Variants in GALNT5 observed in about 807,000 individuals in gnomAD.
GALNT5 encodes the protein polypeptide N-acetylgalactosaminyltransferase 5.
In GALNT5, 72 loss-of-function variants were observed where a neutral mutation model predicts 85.4. The observed-to-expected ratio is 0.84, with a 90% CI of 0.70 to 1.03. The LOEUF (loss-of-function observed/expected upper bound fraction) is 1.03. Ranked by LOEUF, GALNT5 falls within the 50% of genes least tolerant of loss-of-function variation. The pLI is 0.00. For synonymous variants in GALNT5, 404 were observed against 397.0 expected, an observed-to-expected ratio of 1.02 and a Z score of -0.21; for missense variants, 1,137 against 1,135.5, an observed-to-expected ratio of 1.00 and a Z score of -0.02.
At chr2:157,300,263 G>T (rs1353014853) in intron 6 of GALNT5, among the ~76,000 whole-genome samples, 1 of 152,172 alleles carries the variant, frequency 6.6e-6, no homozygotes, top group Non-Finnish European at 1.5e-5. Flanking sequence ...TTTTGGAGCT[G>T]CTGATCATGA....
chr2:157,301,466 T>G (rs1241525008), intron 7 of GALNT5: 1 of 189,046 alleles, frequency 5.3e-6, no homozygotes, highest in East Asian at 1.3e-4. Context: ...AAACACTAAG[T>G]GTCAGTCAGC....
At chr2:157,304,746 C>T (rs1475836857) in intron 7 of GALNT5, among the ~76,000 whole-genome samples, 1 of 152,100 alleles carries the variant, frequency 6.6e-6, no homozygotes, top group Non-Finnish European at 1.5e-5. Context: ...TATTCTGATC[C>T]CTGAAGATGT....
chr2:157,311,279 G>T lies in GALNT5; in HGVS notation c.2754G>T (p.Leu918=). 6.2e-7 allele frequency: 1 copy of T among 1,610,682 alleles called. No homozygotes were observed. Among genetic ancestry groups the T allele is most frequent in the Non-Finnish European group, 8.5e-7 (1 of 1,177,394 alleles). The change falls in exon 10 of 10, where the codon CTG becomes CTT. Residue 918 remains leucine, a synonymous_variant. Coordinates refer to ENST00000259056, the MANE Select transcript of GALNT5 (RefSeq NM_014568.3). ...CLEGNFSQKI[L]KVAACDPVKP... is the part of the protein sequence containing the mutation. ...AAGGAAATTTTTCTCAAAAGATCCTGAAAGTAGCTGCCTGTGACCCAGTGA... is the reference window on the plus strand; with the variant it reads ...AAGGAAATTTTTCTCAAAAGATCCTTAAAGTAGCTGCCTGTGACCCAGTGA...
intron 3 of GALNT5, among the ~76,000 whole-genome samples, chr2:157,293,462 AGG>A (rs1045928090): frequency 6.6e-6 from 1 of 152,210 alleles, no homozygotes; most frequent in Non-Finnish European, 1.5e-5. Flanking sequence ...CTGTCATCTT[AGG>A]GTTAGGTTTC....
Position 157,258,515 on chromosome 2 carries a change from G to C in GALNT5, c.433G>C (p.Asp145His), listed in dbSNP as rs767972937. The change falls in exon 1 of 10, where the codon GAC becomes CAC. Residue 145 changes from aspartate (D) to histidine (H), a missense_variant. Asp to His is a moderately conservative substitution (Grantham distance 81). Coordinates refer to ENST00000259056, the MANE Select transcript of GALNT5 (RefSeq NM_014568.3). ...TGTGACTCCTAACAAGCAGAAGACA[G>C]ACGGGAGAGGCACCAAACCTGAAGC... ...LPVTPNKQKT[D>H]GRGTKPEASS... is the part of the protein sequence containing the mutation. 6.2e-7 allele frequency: 1 copy of C among 1,612,064 alleles called. No homozygotes were observed. The highest frequency in any genetic ancestry group is 1.1e-5 in the South Asian group (1 of 90,854).
At chr2:157,303,107 G>T (rs925700429) in intron 7 of GALNT5, among the ~76,000 whole-genome samples, 1 of 152,090 alleles carries the variant, frequency 6.6e-6, no homozygotes, top group Non-Finnish European at 1.5e-5. Context: ...TCCAGTGAAA[G>T]TTTTGTGTTT....
chr2:157,264,190 CACACACACACACACGT>C (rs1481964473), intron 1 of GALNT5, among the ~76,000 whole-genome samples: 1 of 151,914 alleles, frequency 6.6e-6, no homozygotes, highest in Non-Finnish European at 1.5e-5. Context: ...CACACACACA[CACACACACACACACGT>C]ACACACAGGT....
chr2:157,272,247 G>A (rs16841465), intron 1 of GALNT5, among the ~76,000 whole-genome samples: 3,813 of 152,140 alleles, frequency 0.025, 161 homozygotes, highest in East Asian at 0.13. Flanking sequence ...CAGAGGAAGG[G>A]AGAACAGGGA....
rs573587050 is a variant in GALNT5, at chr2:157,273,818, AT to A, written c.1455-10456del. 1.7e-3 allele frequency among the ~76,000 whole-genome samples: 261 copies of A among 150,704 alleles called. 1 individual carries two copies. The highest frequency in any genetic ancestry group is 6.0e-3 in the East Asian group (31 of 5,134). ...CCACCATGCCAGGGTAATTTTTTGTATTTTTTTTATTATACTTTAATAAATG... is the reference window on the plus strand; with the variant it reads ...CCACCATGCCAGGGTAATTTTTTGTATTTTTTTATTATACTTTAATAAATG... On this transcript the variant is annotated intron_variant, in intron 1 of 9. Coordinates refer to ENST00000259056, the MANE Select transcript of GALNT5 (RefSeq NM_014568.3).
At chr2:157,303,714 G>A (rs755946824) in intron 7 of GALNT5, among the ~76,000 whole-genome samples, 7 of 151,824 alleles carry the variant, frequency 4.6e-5, no homozygotes, top group Admixed American at 2.6e-4. Context: ...TAATTTCTAA[G>A]AAAAAGGAAA....
Position 157,308,550 on chromosome 2 carries a change from AT to A in GALNT5, c.2521-15del. On this transcript the variant is annotated splice_polypyrimidine_tract_variant and intron_variant, in intron 8 of 9. Transcript: ENST00000259056. Reference sequence around the variant, plus strand: ...GTTTGCTGCCTGAAGTGACCTCTTTATTCATTTCCCCCACAGCTTCAACAAT... The same window carrying A: ...GTTTGCTGCCTGAAGTGACCTCTTTATCATTTCCCCCACAGCTTCAACAAT... 1 of 1,592,932 alleles carries A rather than the reference AT, an allele frequency of 6.3e-7. No homozygotes were observed. Among genetic ancestry groups the A allele is most frequent in the Non-Finnish European group, 8.5e-7 (1 of 1,172,122 alleles).
chr2:157,261,349 C>T (rs1055574174), intron 1 of GALNT5, among the ~76,000 whole-genome samples: 1 of 152,158 alleles, frequency 6.6e-6, no homozygotes, highest in Non-Finnish European at 1.5e-5. Context: ...ATTGAAAGCT[C>T]GGGGACTCCC....
In GALNT5 at chr2:157,318,140, C is replaced by T. The variant is rs1268242893; in HGVS notation, c.*6792C>T. Among the ~76,000 whole-genome samples the T allele has an allele frequency of 6.6e-6, 1 of 151,898 alleles. No homozygotes were observed. Among genetic ancestry groups the T allele is most frequent in the Non-Finnish European group, 1.5e-5 (1 of 67,962 alleles). ...CTTTATTATACTCTGGTGCTTTATC[C>T]TTCTCCATAATTCTCTATTATTACT... is the stretch of plus-strand genomic sequence containing the variant. On this transcript the variant is annotated 3_prime_UTR_variant, in exon 10 of 10. Coordinates refer to ENST00000259056, the MANE Select transcript of GALNT5 (RefSeq NM_014568.3).
intron 1 of GALNT5, among the ~76,000 whole-genome samples, chr2:157,261,335 G>C (rs1227063306): frequency 1.3e-5 from 2 of 152,192 alleles, no homozygotes; most frequent in African/African-American, 2.4e-5. Flanking sequence ...CACTAGTGTG[G>C]CTCATTGAAA....
rs946224976 is a variant in GALNT5 at position 157,258,995 on chromosome 2, G to A, written c.913G>A (p.Asp305Asn). 19 of 1,500,156 alleles carry A rather than the reference G, an allele frequency of 1.3e-5. No homozygotes were observed. The highest frequency in any genetic ancestry group is 2.8e-5 in the African/African-American group (2 of 71,500). The allele number at this position is 1,500,156 out of a possible 1,614,324, so 92.9% of individuals were successfully genotyped here. A position where few individuals can be genotyped will look rare whatever the true frequency, so the allele number is the denominator to read the frequency against. ...ETPLGSLSKD[D>N]GARGAHGKKL... ...ACCTTTGGGAAGTTTGTCAAAGGAT[G>A]ATGGAGCTAGAGGGGCTCATGGGAA... Residue 305 changes from aspartate (D) to asparagine (N), a missense_variant, in exon 1 of 10, where the codon GAT becomes AAT. Physicochemically the swap from Asp to Asn is conservative, Grantham distance 23 (BLOSUM62 1). Transcript: ENST00000259056.
At position 157,258,162 on chromosome 2, in the gene GALNT5, T is replaced by C; in HGVS notation, c.80T>C (p.Leu27Pro). 2 of 1,614,108 alleles carry C rather than the reference T, an allele frequency of 1.2e-6. No individual in the cohort carries two copies. The highest frequency in any genetic ancestry group is 1.7e-6 in the Non-Finnish European group (2 of 1,180,006). Residue 27 changes from leucine (L) to proline (P), a missense_variant, in exon 1 of 10, where the codon CTC (leucine) becomes CCC (proline). By Grantham distance (98) the Leu-to-Pro change is moderately conservative. Transcript: ENST00000259056. The part of the protein sequence containing the change: ...FIFVASVIWL[L>P]FDMAALRLSF... Reference sequence around the variant, plus strand: ...TTTGTAGCTTCTGTCATCTGGCTCCTCTTTGACATGGCAGCTCTCCGCCTC... The same window carrying C: ...TTTGTAGCTTCTGTCATCTGGCTCCCCTTTGACATGGCAGCTCTCCGCCTC...
intron 5 of GALNT5, among the ~76,000 whole-genome samples, chr2:157,298,419 GTC>G (rs985817245): frequency 3.3e-5 from 5 of 152,188 alleles, no homozygotes; most frequent in Non-Finnish European, 7.3e-5. Flanking sequence ...GAAAGGGAGA[GTC>G]TCTGCCTTGG....
Position 157,290,112 on chromosome 2 carries a change from T to TATATATATATATATATACACAC in GALNT5, c.1741+3979_1741+3980insTATATATATATATATACACACA, listed in dbSNP as rs1416458086. Among the ~76,000 whole-genome samples the TATATATATATATATATACACAC allele has an allele frequency of 2.1e-3, 291 of 137,982 alleles. 3 individuals are homozygous for TATATATATATATATATACACAC. Among genetic ancestry groups the TATATATATATATATATACACAC allele is most frequent in the African/African-American group, 8.2e-3 (265 of 32,332 alleles). The allele number at this position is 137,982 out of a possible 152,430, so 90.5% of individuals were successfully genotyped here. On this transcript the variant is annotated intron_variant, in intron 3 of 9. Transcript: ENST00000259056. The stretch of plus-strand genomic sequence containing the variant: ...GTATATATATATATATATATATATA[T>TATATATATATATATATACACAC]ACATACACAAACACATATATACATA...
chr2:157,290,836 T>C (rs1004530871), intron 3 of GALNT5, among the ~76,000 whole-genome samples: 3 of 152,120 alleles, frequency 2.0e-5, no homozygotes, highest in Non-Finnish European at 2.9e-5. Flanking sequence ...AGAGGCTCTC[T>C]GAAAGTCTGC....
Sources: gnomAD v4.1 joint callset for allele counts (sites outside exome capture counted in the v4.1 genomes callset) on GRCh38, gnomAD v4.1.1 for gene constraint, MANE v1.5 for transcripts, NCBI Gene and HGNC (gene_info 2026-07-23, HGNC 2026-07-21) for gene names.